CLDN14: variants seen among roughly 807,000 people sequenced by gnomAD.
CLDN14 encodes claudin 14.
A neutral mutation model predicts 2.1 loss-of-function variants in CLDN14; 2 were observed. That is an observed-to-expected ratio of 0.96 (90% CI 0.39 to 3.01). The LOEUF is 3.01. Ranked by LOEUF, CLDN14 falls within the 30% of genes most tolerant of loss-of-function variation. The pLI is 0.09. For missense variants in CLDN14, 298 were observed against 328.0 expected (o/e 0.91, Z 0.71); for synonymous variants, 136 against 154.4 (o/e 0.88, Z 0.88).
intron 1 of CLDN14, among the ~76,000 whole-genome samples, chr21:36,476,694 AC>A (rs1027879447): frequency 6.6e-6 from 1 of 151,738 alleles, no homozygotes; most frequent in Non-Finnish European, 1.5e-5. Flanking sequence ...CTCATGATCC[AC>A]CCGCCTTGGA....
intron 1 of CLDN14, among the ~76,000 whole-genome samples, chr21:36,515,112 A>T (rs986706537): frequency 6.6e-6 from 1 of 152,140 alleles, no homozygotes; most frequent in East Asian, 1.9e-4. Context: ...ACTATTGGGG[A>T]TGTAAGATGG....
At chr21:36,555,579 T>G (rs2087592892) in intron 1 of CLDN14, among the ~76,000 whole-genome samples, 1 of 152,072 alleles carries the variant, frequency 6.6e-6, no homozygotes, top group Admixed American at 6.5e-5. Flanking sequence ...GATGTGGAGT[T>G]GGTGAGGAAT....
rs1312569722 is a variant in CLDN14, at chr21:36,479,961, C to T, written c.-548G>A. The stretch of plus-strand genomic sequence containing the variant: ...CTCGGCTCCGGGTCCATTGGCTGTT[C>T]ACACTCACTTCCCTGTGTCCTGGAA... On this transcript the variant is annotated 5_prime_UTR_variant, in exon 1 of 2. Transcript: ENST00000399135. 1 of 152,320 alleles carries T rather than the reference C, an allele frequency of 6.6e-6. No homozygotes were observed. The allele number at this position is 152,320 out of a possible 1,614,324, so 9.4% of individuals were successfully genotyped here. A position where few individuals can be genotyped will look rare whatever the true frequency, so the allele number is the denominator to read the frequency against.
At chr21:36,491,168 A>C (rs1198186165) in intron 2 of CLDN14, among the ~76,000 whole-genome samples, 1 of 152,118 alleles carries the variant, frequency 6.6e-6, no homozygotes, top group Non-Finnish European at 1.5e-5. Flanking sequence ...CAGCAAACTA[A>C]TTAGGGTCAA....
intron 1 of CLDN14, among the ~76,000 whole-genome samples, chr21:36,539,931 G>A (rs1186770167): frequency 6.6e-6 from 1 of 151,768 alleles, no homozygotes; most frequent in East Asian, 1.9e-4. Flanking sequence ...TGTGGAGTGT[G>A]TGTGTGGAGT....
intron 1 of CLDN14, among the ~76,000 whole-genome samples, chr21:36,466,083 C>CT (rs2086642192): frequency 6.6e-6 from 1 of 152,132 alleles, no homozygotes; most frequent in Non-Finnish European, 1.5e-5. Flanking sequence ...TTAAGAAAAC[C>CT]TGCGTGACTG....
Position 36,507,889 on chromosome 21 carries a change from C to T in CLDN14, c.-82+2474G>A, listed in dbSNP as rs560850190. Among the ~76,000 whole-genome samples the T allele has an allele frequency of 3.3e-5, 5 of 152,330 alleles. No homozygotes were observed. The South Asian group carries it at 8.3e-4, about 25-fold the overall frequency. Reference sequence around the variant, plus strand: ...ACATTTCCTGTTTAATTCCACCCTGCACAGTGCTGATTCACTATGATACCA... The same window carrying T: ...ACATTTCCTGTTTAATTCCACCCTGTACAGTGCTGATTCACTATGATACCA... On this transcript the variant is annotated intron_variant, in intron 2 of 2. Transcript: ENST00000342108.
At chr21:36,568,148 A>G (rs1318110161) in intron 1 of CLDN14, among the ~76,000 whole-genome samples, 1 of 152,176 alleles carries the variant, frequency 6.6e-6, no homozygotes, top group African/African-American at 2.4e-5. Context: ...CAGCTTGACC[A>G]GGCAGAAACT....
At chr21:36,503,459 C>T (rs1026426380) in intron 2 of CLDN14, among the ~76,000 whole-genome samples, 39 of 152,156 alleles carry the variant, frequency 2.6e-4, no homozygotes, top group African/African-American at 8.9e-4. Flanking sequence ...ATCTTTCTCA[C>T]GTTGTTCTCG....
intron 1 of CLDN14, among the ~76,000 whole-genome samples, chr21:36,468,570 A>G (rs960867591): frequency 6.6e-6 from 1 of 152,102 alleles, no homozygotes. Context: ...CTCAAACAAA[A>G]GAAAATAAAC....
chr21:36,508,890 G>C (rs1486387108), intron 2 of CLDN14, among the ~76,000 whole-genome samples: 2 of 152,190 alleles, frequency 1.3e-5, no homozygotes, highest in Admixed American at 1.3e-4. Context: ...TGGGTTGGTA[G>C]GCGTCCTTAA....
intron 1 of CLDN14, among the ~76,000 whole-genome samples, chr21:36,522,410 A>G (rs181903399): frequency 6.6e-6 from 1 of 152,362 alleles, no homozygotes; most frequent in East Asian, 1.9e-4. Context: ...GACACTGAGC[A>G]TTCCCCAGGA....
intron 1 of CLDN14, among the ~76,000 whole-genome samples, chr21:36,470,029 CAAAACA>C (rs898833801): frequency 6.6e-5 from 10 of 151,676 alleles, no homozygotes; most frequent in Admixed American, 1.3e-4. Context: ...AAAAGTAAAA[CAAAACA>C]AAAACAAAAA....
At chr21:36,525,730 GACCACGAGGCACC>G (rs1445971694) in intron 1 of CLDN14, among the ~76,000 whole-genome samples, 1 of 152,174 alleles carries the variant, frequency 6.6e-6, no homozygotes, top group Non-Finnish European at 1.5e-5. Context: ...CTCTGCCATT[GACCACGAGGCACC>G]ACCAACCACA....
At chr21:36,497,898 T>G (rs547066109) in intron 2 of CLDN14, among the ~76,000 whole-genome samples, 5 of 152,292 alleles carry the variant, frequency 3.3e-5, no homozygotes, top group Admixed American at 2.6e-4. Context: ...TTTAATTTCC[T>G]TTGCTACTTT....
chr21:36,527,341 C>T (rs2087340800), intron 1 of CLDN14, among the ~76,000 whole-genome samples: 1 of 152,198 alleles, frequency 6.6e-6, no homozygotes, highest in Admixed American at 6.6e-5. Flanking sequence ...AAATACTTAG[C>T]TTAGCGCTAC....
chr21:36,466,730 T>TC (rs1190191575), intron 1 of CLDN14, among the ~76,000 whole-genome samples: 6 of 152,092 alleles, frequency 3.9e-5, no homozygotes, highest in African/African-American at 1.4e-4. Flanking sequence ...CTTCCAACAG[T>TC]CCCCCAAGGA....
chr21:36,554,855 G>T (rs2087587778), intron 1 of CLDN14, among the ~76,000 whole-genome samples: 1 of 152,172 alleles, frequency 6.6e-6, no homozygotes, highest in Admixed American at 6.5e-5. Context: ...GACAGGCCTG[G>T]GAAGGGTCTG....
At chr21:36,545,938 G>A (rs530466837) in intron 1 of CLDN14, among the ~76,000 whole-genome samples, 3 of 152,194 alleles carry the variant, frequency 2.0e-5, no homozygotes, top group Admixed American at 6.5e-5. Flanking sequence ...TCCTGCAAGA[G>A]CCCTTCAGCC....
Sources: gnomAD v4.1 joint callset for allele counts (sites outside exome capture counted in the v4.1 genomes callset) on GRCh38, gnomAD v4.1.1 for gene constraint, MANE v1.5 for transcripts, NCBI Gene and HGNC (gene_info 2026-07-23, HGNC 2026-07-21) for gene names.